ARHGAP10: variants seen among roughly 807,000 people sequenced by gnomAD.
ARHGAP10 encodes the protein Rho GTPase activating protein 10.
Under a neutral mutation model 108.6 loss-of-function variants are expected in ARHGAP10, and 87 were observed. The ratio of observed to expected loss-of-function variants is 0.80; its 90% CI spans 0.67 to 0.96. The LOEUF (loss-of-function observed/expected upper bound fraction) is 0.96. Among genes scored for constraint, ARHGAP10 ranks in the 40% least tolerant of loss-of-function variants. ARHGAP10 has a pLI of 0.00. For synonymous variants in ARHGAP10, 347 were observed against 341.1 expected (o/e 1.02, Z -0.19); for missense variants, 939 against 954.5 (o/e 0.98, Z 0.21).
At chr4:147,830,626 T>G (rs1181987828) in intron 3 of ARHGAP10, among the ~76,000 whole-genome samples, 2 of 151,756 alleles carry the variant, frequency 1.3e-5, no homozygotes, top group African/African-American at 4.9e-5. Context: ...TTCAAGTGAT[T>G]ATCCTGCTTC....
intron 16 of ARHGAP10, among the ~76,000 whole-genome samples, chr4:147,963,735 G>A (rs1289419861): frequency 1.3e-5 from 2 of 152,166 alleles, no homozygotes; most frequent in Admixed American, 6.5e-5. Flanking sequence ...TGGGAGGGCC[G>A]TGCTCCCTCT....
rs898518349 is a variant in ARHGAP10 at position 148,060,346 on chromosome 4, T to C, written c.2028-2802T>C. ...GTTACATAACGAAGCTCATGTTTAG[T>C]TTTTTTTTTTTTTTTTTTTTGGCCT... On this transcript the variant is annotated intron_variant, in intron 20 of 22. Transcript: ENST00000336498. 2.6e-3 allele frequency among the ~76,000 whole-genome samples: 352 copies of C among 134,804 alleles called. 29 individuals carry two copies. The Middle Eastern group carries it at 0.031, about 12-fold the overall frequency. 88.4% of individuals were successfully genotyped at this position (134,804 alleles called of 152,430 possible). A position where few individuals can be genotyped will look rare whatever the true frequency, so the allele number is the denominator to read the frequency against.
intron 1 of ARHGAP10, among the ~76,000 whole-genome samples, chr4:147,749,868 A>G (rs1463308856): frequency 6.6e-6 from 1 of 152,220 alleles, no homozygotes; most frequent in African/African-American, 2.4e-5. Context: ...GATACTGTCT[A>G]AAAGGCTTGA....
intron 20 of ARHGAP10, among the ~76,000 whole-genome samples, chr4:148,051,613 C>T (rs1053010481): frequency 6.6e-6 from 1 of 152,234 alleles, no homozygotes; most frequent in Non-Finnish European, 1.5e-5. Context: ...AGATGCATCT[C>T]ACTGTGTGCC....
In ARHGAP10 at chr4:148,000,145, A is replaced by G. The variant is rs770714492; in HGVS notation, c.1717-23118A>G. On this transcript the variant is annotated intron_variant, in intron 18 of 22. Coordinates refer to ENST00000336498, the MANE Select transcript of ARHGAP10 (RefSeq NM_024605.4). ...CTGTGTCCAAGTGTTCTCATTGTTC[A>G]ATTCCTGCCTATGAGTGAGAACATG... 1.4e-4 allele frequency among the ~76,000 whole-genome samples: 21 copies of G among 151,752 alleles called. 1 individual carries two copies. The highest frequency in any genetic ancestry group is 5.2e-4 in the Admixed American group (8 of 15,262).
At chr4:147,865,414 AT>A (rs1734515685) in intron 6 of ARHGAP10, 1 of 153,184 alleles carries the variant, frequency 6.5e-6, no homozygotes, top group Non-Finnish European at 1.5e-5. Flanking sequence ...ATTTGAGACA[AT>A]TTTGTGAGTT....
At chr4:147,927,306 C>T (rs1299509859) in intron 13 of ARHGAP10, among the ~76,000 whole-genome samples, 3 of 152,124 alleles carry the variant, frequency 2.0e-5, no homozygotes, top group Non-Finnish European at 4.4e-5. Flanking sequence ...AAAGTTAGAC[C>T]TGCCTTTTTT....
At chr4:147,891,844 A>C (rs1418935580) in intron 10 of ARHGAP10, among the ~76,000 whole-genome samples, 1 of 152,090 alleles carries the variant, frequency 6.6e-6, no homozygotes, top group African/African-American at 2.4e-5. Flanking sequence ...CAGGAGGTGT[A>C]GCTTTCTTCC....
chr4:147,924,059 TG>T (rs1737351937), intron 13 of ARHGAP10, among the ~76,000 whole-genome samples: 1 of 152,202 alleles, frequency 6.6e-6, no homozygotes. Flanking sequence ...GGGAGGGAGT[TG>T]AAGAGTCTTG....
chr4:147,973,138 T>G (rs1739472994), intron 18 of ARHGAP10, among the ~76,000 whole-genome samples: 1 of 152,178 alleles, frequency 6.6e-6, no homozygotes, highest in Non-Finnish European at 1.5e-5. Flanking sequence ...TGAGTGATAT[T>G]CAGTGTCAAT....
intron 1 of ARHGAP10, among the ~76,000 whole-genome samples, chr4:147,768,741 CTTTTT>C (rs34388709): frequency 1.6e-5 from 2 of 126,518 alleles, no homozygotes; most frequent in Non-Finnish European, 1.8e-5. Context: ...ATTTTCTTGT[CTTTTT>C]TTTTTTTTTT....
intron 1 of ARHGAP10, among the ~76,000 whole-genome samples, chr4:147,775,264 G>A (rs1696027397): frequency 6.6e-6 from 1 of 152,130 alleles, no homozygotes; most frequent in African/African-American, 2.4e-5. Flanking sequence ...CAGGCCTAAA[G>A]CTTGCATCCC....
intron 15 of ARHGAP10, among the ~76,000 whole-genome samples, chr4:147,952,966 A>G (rs1738663170): frequency 2.0e-5 from 3 of 152,132 alleles, no homozygotes; most frequent in Admixed American, 6.5e-5. Context: ...TCATTTTTGC[A>G]TAGGGATCTC....
chr4:148,067,114 A>G (rs1295557830), intron 22 of ARHGAP10, among the ~76,000 whole-genome samples: 1 of 152,294 alleles, frequency 6.6e-6, no homozygotes, highest in African/African-American at 2.4e-5. Flanking sequence ...CTACCCAGGG[A>G]TGTGAGCGTC....
intron 1 of ARHGAP10, among the ~76,000 whole-genome samples, chr4:147,765,553 A>T (rs892451254): frequency 6.6e-6 from 1 of 152,072 alleles, no homozygotes. Flanking sequence ...TAATCACAGC[A>T]CTTTGGGAGG....
At chr4:147,994,372 C>T (rs1182043222) in intron 18 of ARHGAP10, among the ~76,000 whole-genome samples, 1 of 151,992 alleles carries the variant, frequency 6.6e-6, no homozygotes, top group East Asian at 1.9e-4. Context: ...CAAGAAAGTT[C>T]TTGTTAATCC....
At chr4:147,866,961 A>G (rs1734592429) in intron 7 of ARHGAP10, 145 bp downstream of exon 7, 2 of 684,786 alleles carry the variant, frequency 2.9e-6, no homozygotes, top group South Asian at 4.4e-5. Flanking sequence ...CTGCTGGTCA[A>G]CTCTTGGTGT....
chr4:147,907,802 T>C (rs1005928350), intron 11 of ARHGAP10, among the ~76,000 whole-genome samples: 3 of 152,204 alleles, frequency 2.0e-5, no homozygotes, highest in African/African-American at 7.2e-5. Flanking sequence ...CAGATTTGGG[T>C]GTCGTCTTAC....
intron 1 of ARHGAP10, among the ~76,000 whole-genome samples, chr4:147,774,105 T>G (rs993422298): frequency 1.3e-5 from 2 of 152,230 alleles, no homozygotes; most frequent in Non-Finnish European, 2.9e-5. Context: ...GTTGTGATAA[T>G]GAAATGAGTT....
Sources: gnomAD v4.1 joint callset for allele counts (sites outside exome capture counted in the v4.1 genomes callset) on GRCh38, gnomAD v4.1.1 for gene constraint, MANE v1.5 for transcripts, NCBI Gene and HGNC (gene_info 2026-07-23, HGNC 2026-07-21) for gene names.